LSAMP: variants seen among roughly 807,000 people sequenced by gnomAD.
LSAMP encodes the protein limbic system-associated membrane protein.
A neutral mutation model predicts 38.6 loss-of-function variants in LSAMP; 7 were observed. The observed-to-expected ratio is 0.18, with a 90% confidence interval of 0.10 to 0.34. The LOEUF (loss-of-function observed/expected upper bound fraction) is 0.34. LSAMP is among the 10% of genes least tolerant of loss of function. LSAMP has a pLI of 1.00. For missense variants in LSAMP, 313 were observed against 420.0 expected (o/e 0.75, Z 2.23); for synonymous variants, 154 against 166.8 (o/e 0.92, Z 0.59).
chr3:116,183,908 T>A (rs1029607740), intron 1 of LSAMP, among the ~76,000 whole-genome samples: 1 of 151,882 alleles, frequency 6.6e-6, no homozygotes, highest in Non-Finnish European at 1.5e-5. Flanking sequence ...AAGTTGTAGA[T>A]ACTGGGTTGA....
chr3:116,223,720 A>G (rs1351072044), intron 1 of LSAMP, among the ~76,000 whole-genome samples: 4 of 152,192 alleles, frequency 2.6e-5, no homozygotes, highest in Admixed American at 1.3e-4. Flanking sequence ...CATTTGTTTA[A>G]TGATAAAAAG....
intron 1 of LSAMP, among the ~76,000 whole-genome samples, chr3:116,316,053 T>G (rs1419375722): frequency 2.0e-5 from 3 of 152,188 alleles, no homozygotes; most frequent in Admixed American, 2.0e-4. Flanking sequence ...ATATTTTGGA[T>G]AGAGAAAGAA....
At position 115,865,854 on chromosome 3, in the gene LSAMP, C is replaced by T. The variant is rs186357558; in HGVS notation, c.515-13237G>A. The stretch of plus-strand genomic sequence containing the variant: ...CCCAGACACAGAAGCCATCTTGACC[C>T]GGGATCAGGGATCAATCCAGTATTT... On this transcript the variant is annotated intron_variant, in intron 3 of 6. Coordinates refer to ENST00000490035, the MANE Select transcript of LSAMP (RefSeq NM_002338.5). Among the ~76,000 whole-genome samples the T allele has an allele frequency of 4.6e-5, 7 of 152,186 alleles. No individual in the cohort carries two copies. In the East Asian group the frequency reaches 9.7e-4, roughly 21 times the overall value.
chr3:115,989,601 G>T (rs1436305948), intron 3 of LSAMP, among the ~76,000 whole-genome samples: 2 of 152,000 alleles, frequency 1.3e-5, no homozygotes, highest in Non-Finnish European at 2.9e-5. Flanking sequence ...AAAAATGCTT[G>T]ACTCTGTGTT....
At chr3:115,986,645 T>TGAG (rs1939517077) in intron 3 of LSAMP, among the ~76,000 whole-genome samples, 1 of 150,976 alleles carries the variant, frequency 6.6e-6, no homozygotes, top group African/African-American at 2.4e-5. Flanking sequence ...AAATAGTAGG[T>TGAG]GAGTGATCAT....
intron 4 of LSAMP, among the ~76,000 whole-genome samples, chr3:115,849,252 G>A (rs1326592790): frequency 6.6e-6 from 1 of 152,194 alleles, no homozygotes; most frequent in Non-Finnish European, 1.5e-5. Context: ...GATTTTGCAT[G>A]TAAAAGTGGC....
chr3:115,996,411 A>T (rs1018563648), intron 3 of LSAMP, among the ~76,000 whole-genome samples: 4 of 152,166 alleles, frequency 2.6e-5, no homozygotes, highest in African/African-American at 9.6e-5. Context: ...AATTGGGGTT[A>T]TCCTTGGTCT....
chr3:116,214,143 C>A (rs903157475), intron 1 of LSAMP, among the ~76,000 whole-genome samples: 1 of 152,140 alleles, frequency 6.6e-6, no homozygotes, highest in Non-Finnish European at 1.5e-5. Context: ...CAAATGTCAA[C>A]ATTATTAACC....
intron 1 of LSAMP, among the ~76,000 whole-genome samples, chr3:116,384,446 A>G (rs1380598716): frequency 6.6e-6 from 1 of 152,108 alleles, no homozygotes. Context: ...GAATTTTTGG[A>G]AGTGGGACCT....
At chr3:116,169,788 T>G (rs1276528080) in intron 1 of LSAMP, among the ~76,000 whole-genome samples, 4 of 152,354 alleles carry the variant, frequency 2.6e-5, no homozygotes, top group South Asian at 2.1e-4. Context: ...TTCTTAAATC[T>G]AATTGACTTT....
intron 3 of LSAMP, among the ~76,000 whole-genome samples, chr3:116,003,650 G>A (rs182663310): frequency 4.6e-5 from 7 of 152,078 alleles, no homozygotes; most frequent in East Asian, 1.9e-4. Flanking sequence ...CTGGATTAAC[G>A]CTGAATCCTA....
intron 4 of LSAMP, among the ~76,000 whole-genome samples, chr3:115,844,488 A>C (rs1224625235): frequency 6.6e-6 from 1 of 152,194 alleles, no homozygotes; most frequent in East Asian, 1.9e-4. Context: ...AGTTCAAAGG[A>C]TAATGCAATA....
chr3:116,158,579 AG>A (rs1406435655), intron 1 of LSAMP, among the ~76,000 whole-genome samples: 16 of 152,170 alleles, frequency 1.1e-4, no homozygotes, highest in Non-Finnish European at 2.1e-4. Context: ...AGGCAAATCA[AG>A]AACACAATCC....
rs2047537133 is a variant in LSAMP, at chr3:116,310,154, C to T, written c.155+134723G>A. On this transcript the variant is annotated intron_variant, in intron 1 of 6. Coordinates refer to ENST00000490035, the MANE Select transcript of LSAMP (RefSeq NM_002338.5). ...TAACCCTTCTGATAAGGAAGGAACT[C>T]AATCTATCTGGGAACAGACGTTCCT... Among the ~76,000 whole-genome samples the T allele has an allele frequency of 1.3e-5, 2 of 151,384 alleles. 1 individual carries two copies. The highest frequency in any genetic ancestry group is 4.1e-4 in the South Asian group (2 of 4,830).
chr3:115,842,368 A>G (rs1284609772), intron 5 of LSAMP, 90 bp downstream of exon 5: 2 of 1,490,106 alleles, frequency 1.3e-6, no homozygotes, highest in African/African-American at 1.4e-5. Context: ...ACATAATTAC[A>G]ACTGGCTTGG....
intron 1 of LSAMP, among the ~76,000 whole-genome samples, chr3:116,403,959 T>G (rs2048872515): frequency 6.6e-6 from 1 of 151,702 alleles, no homozygotes; most frequent in East Asian, 1.9e-4. Flanking sequence ...AGACAGAGTC[T>G]CCCTATATTG....
rs1331256862 is a variant in LSAMP, at chr3:115,805,103, GT to G, written c.*5213del. 1 of 152,206 alleles carries G rather than the reference GT, an allele frequency of 6.6e-6. No individual in the cohort carries two copies. Among genetic ancestry groups the G allele is most frequent in the East Asian group, 1.9e-4 (1 of 5,196 alleles). The allele number at this position is 152,206 out of a possible 1,614,324, so 9.4% of individuals were successfully genotyped here. On this transcript the variant is annotated 3_prime_UTR_variant, in exon 7 of 7. Coordinates refer to ENST00000490035, the MANE Select transcript of LSAMP (RefSeq NM_002338.5). ...AGACATCTTAGATGGTGAGAAAGGA[GT>G]AAAAAGAAGATAGCTGGGAGTGGAT...
chr3:116,394,205 A>G (rs1432285819), intron 1 of LSAMP, among the ~76,000 whole-genome samples: 1 of 152,216 alleles, frequency 6.6e-6, no homozygotes, highest in East Asian at 1.9e-4. Context: ...GTCCATCATC[A>G]GCATCTCCAT....
intron 1 of LSAMP, chr3:116,368,405 TG>T (rs1281265368): frequency 6.6e-6 from 1 of 152,204 alleles, no homozygotes; most frequent in African/African-American, 2.4e-5. Context: ...GAAGATACAT[TG>T]TTTTTTTTTA....
Sources: gnomAD v4.1 joint callset for allele counts (sites outside exome capture counted in the v4.1 genomes callset) on GRCh38, gnomAD v4.1.1 for gene constraint, MANE v1.5 for transcripts, NCBI Gene and HGNC (gene_info 2026-07-23, HGNC 2026-07-21) for gene names.